SMG1: variants seen among roughly 807,000 people sequenced by gnomAD.
SMG1 encodes serine/threonine-protein kinase SMG1.
Under a neutral mutation model 419.9 loss-of-function variants are expected in SMG1, and 22 were observed. The ratio of observed to expected loss-of-function variants is 0.05; its 90% CI spans 0.04 to 0.07. SMG1 has a LOEUF of 0.07. Among genes scored for constraint, SMG1 ranks in the 10% least tolerant of loss-of-function variants. SMG1 has a pLI of 1.00. For synonymous variants in SMG1, 1,538 were observed against 1,553.5 expected (o/e 0.99, Z 0.23); for missense variants, 3,185 against 4,342.0 (o/e 0.73, Z 7.49).
chr16:18,855,637 G>T (rs899649049), intron 29 of SMG1, among the ~76,000 whole-genome samples: 1 of 152,152 alleles, frequency 6.6e-6, no homozygotes, highest in East Asian at 1.9e-4. Flanking sequence ...CCGGCTGCCT[G>T]TGAAAGTACT....
chr16:18,819,250 AC>A (rs1426899262), intron 56 of SMG1, among the ~76,000 whole-genome samples: 1 of 152,210 alleles, frequency 6.6e-6, no homozygotes, highest in Non-Finnish European at 1.5e-5. Flanking sequence ...TGAATTTAAG[AC>A]CTCTTTATTT....
intron 58 of SMG1, 31 bp from the exon 59 acceptor site, chr16:18,815,682 ATAGTTT>A: frequency 6.4e-7 from 1 of 1,563,642 alleles, no homozygotes; most frequent in Admixed American, 1.7e-5. Flanking sequence ...ATTAAGAAAA[ATAGTTT>A]TAGTATCAGT....
chr16:18,818,939 C>G (rs1006791786), intron 56 of SMG1, among the ~76,000 whole-genome samples: 2 of 151,712 alleles, frequency 1.3e-5, no homozygotes, highest in Non-Finnish European at 2.9e-5. Context: ...GCCTCAGACT[C>G]CTGAGCAGTT....
In SMG1 at chr16:18,849,935, T is replaced by C. The variant is rs767852114; in HGVS notation, c.5461+14A>G. The C allele has an allele frequency of 1.9e-6, 3 of 1,601,678 alleles. No individual in the cohort carries two copies. The highest frequency in any genetic ancestry group is 2.2e-5 in the South Asian group (2 of 89,246). ...AGAAACTATTTTTCCTGAAACATTT[T>C]ATGCAGGTCTCACCTCTCCATGGTG... On this transcript the variant is annotated intron_variant, in intron 35 of 62. Coordinates refer to ENST00000446231, the MANE Select transcript of SMG1 (RefSeq NM_015092.5).
intron 56 of SMG1, 118 bp downstream of exon 56, chr16:18,819,384 G>A: frequency 9.3e-7 from 1 of 1,078,670 alleles, no homozygotes; most frequent in Non-Finnish European, 1.3e-6. Flanking sequence ...CCTCCTCCCA[G>A]GGCTGTGAGC....
chr16:18,815,386 T>C lies in SMG1; in HGVS notation c.10514+54A>G, dbSNP rs2031911199. On this transcript the variant is annotated intron_variant, in intron 59 of 62. Coordinates refer to ENST00000446231, the MANE Select transcript of SMG1 (RefSeq NM_015092.5). ...ATTAAATCAAGAGATAAACTTCTTATACCAGTAGTTTTGTACTTATGTTTT... is the reference window on the plus strand; with the variant it reads ...ATTAAATCAAGAGATAAACTTCTTACACCAGTAGTTTTGTACTTATGTTTT... 6 of 1,587,640 alleles carry C rather than the reference T, an allele frequency of 3.8e-6. No individual in the cohort carries two copies. The South Asian group carries it at 6.6e-5, about 18-fold the overall frequency.
At position 18,850,575 on chromosome 16, in the gene SMG1, A is replaced by G. The variant is rs952362735; in HGVS notation, c.5053-108T>C. 15 of 694,920 alleles carry G rather than the reference A, an allele frequency of 2.2e-5. No individual in the cohort carries two copies. The African/African-American group carries it at 2.7e-4, about 13-fold the overall frequency. 43.0% of individuals were successfully genotyped at this position (694,920 alleles called of 1,614,324 possible). A position where few individuals can be genotyped will look rare whatever the true frequency, so the allele number is the denominator to read the frequency against. On this transcript the variant is annotated intron_variant, in intron 33 of 62. Transcript: ENST00000446231. ...ATTCTTCTCATATATAAAAGATAAA[A>G]TTATCCCACATTTAGTGTTATACAC...
intron 25 of SMG1, 115 bp downstream of exon 25, chr16:18,863,535 A>G (rs2035320275): frequency 2.2e-6 from 2 of 924,690 alleles, no homozygotes; most frequent in Non-Finnish European, 3.4e-6. Context: ...GCAGTAAGTT[A>G]GATATATAAC....
Position 18,837,320 on chromosome 16 carries a change from G to A in SMG1, c.7537C>T (p.Leu2513=), listed in dbSNP as rs763115484. The change falls in exon 46 of 63, where the codon CTG becomes TTG. Residue 2513 remains leucine, a synonymous_variant. Coordinates refer to ENST00000446231, the MANE Select transcript of SMG1 (RefSeq NM_015092.5). ...TDVEKLQGKL[L]EEIEFLEGAE... is the part of the protein sequence containing the mutation. ...CCTTCTAGAAACTCTATTTCCTCCA[G>A]TAGTTTGCCCTGCAGTTTTTCCACA... 8 of 1,613,874 alleles carry A rather than the reference G, an allele frequency of 5.0e-6. No individual in the cohort carries two copies. The East Asian group carries it at 1.6e-4, about 31-fold the overall frequency.
chr16:18,887,756 A>C (rs961008803), intron 6 of SMG1, among the ~76,000 whole-genome samples: 2 of 126,110 alleles, frequency 1.6e-5, no homozygotes, highest in Non-Finnish European at 3.3e-5. Context: ...AGCATATCAA[A>C]AACAGTAAAA....
At position 18,821,221 on chromosome 16, in the gene SMG1, CTTTTTTTTTT is replaced by C. The variant is rs869238782; in HGVS notation, c.9742-1577_9742-1568del. Among the ~76,000 whole-genome samples, 13 of 35,598 alleles carry C rather than the reference CTTTTTTTTTT, an allele frequency of 3.7e-4. 1 individual carries two copies. The East Asian group carries it at 6.7e-3, about 18-fold the overall frequency. The allele number at this position is 35,598 out of a possible 152,430, so 23.4% of individuals were successfully genotyped here. A position where few individuals can be genotyped will look rare whatever the true frequency, so the allele number is the denominator to read the frequency against. On this transcript the variant is annotated intron_variant, in intron 55 of 62. Coordinates refer to ENST00000446231, the MANE Select transcript of SMG1 (RefSeq NM_015092.5). ...AAAACCTGAGATATTTAGTATGTTTCTTTTTTTTTTTTTTTTTTTCTTTTTTTTTTCTTTT... is the reference window on the plus strand; with the variant it reads ...AAAACCTGAGATATTTAGTATGTTTCTTTTTTTTTCTTTTTTTTTTCTTTT...
At chr16:18,877,809 G>A (rs2036206835) in intron 11 of SMG1, 1 of 152,166 alleles carries the variant, frequency 6.6e-6, no homozygotes, top group Non-Finnish European at 1.5e-5. Context: ...AAAGTGTTTA[G>A]ACACCTAAAT....
In SMG1 at chr16:18,926,299, A is replaced by G; in HGVS notation, c.-258T>C. On this transcript the variant is annotated 5_prime_UTR_variant, in exon 1 of 63. Coordinates refer to ENST00000446231, the MANE Select transcript of SMG1 (RefSeq NM_015092.5). ...GGTGAGAGAGAGGCGGATGAAGGGG[A>G]GGCGACGTCTTTTCCAGGGCCGTGC... The G allele has an allele frequency of 2.1e-6, 1 of 487,492 alleles. No homozygotes were observed. Among genetic ancestry groups the G allele is most frequent in the Non-Finnish European group, 3.6e-6 (1 of 277,986 alleles). The allele number at this position is 487,492 out of a possible 1,614,324, so 30.2% of individuals were successfully genotyped here.
chr16:18,832,993 G>A lies in SMG1; in HGVS notation c.8739C>T (p.Asn2913=), dbSNP rs369251044. ...TTTCTTCTTCCAGTCCCATAGCTGC[G>A]TTTCTTAAGTAGGCCTGAAGAGATT... ...LVESLQAYLR[N]AAMGLEEETH... Residue 2913 remains asparagine (N), a synonymous_variant, in exon 51 of 63, where the codon AAC becomes AAT. Coordinates refer to ENST00000446231, the MANE Select transcript of SMG1 (RefSeq NM_015092.5). The A allele has an allele frequency of 3.4e-5, 55 of 1,613,786 alleles. No homozygotes were observed. Among genetic ancestry groups the A allele is most frequent in the African/African-American group, 2.9e-4 (22 of 74,902 alleles).
Position 18,849,240 on chromosome 16 carries a change from A to G in SMG1, c.5600T>C (p.Leu1867Pro). 6.2e-7 allele frequency: 1 copy of G among 1,612,064 alleles called. No individual in the cohort carries two copies. Among genetic ancestry groups the G allele is most frequent in the Non-Finnish European group, 8.5e-7 (1 of 1,178,638 alleles). Residue 1867 changes from leucine to proline, a missense_variant, in exon 36 of 63, where the codon CTT becomes CCT. Physicochemically the swap from Leu to Pro is moderately conservative, Grantham distance 98. Around this residue, in one of 27 missense-constraint regions of SMG1, gnomAD observed 130 missense variants for 162.0 expected, o/e 0.80. Coordinates refer to ENST00000446231, the MANE Select transcript of SMG1 (RefSeq NM_015092.5). ...LYPAIVGTIS[L>P]SSESQASGNK... ...ACCTGAAGCCTGGGATTCACTACTA[A>G]GCGATATGGTACCCACTATTGCAGG... is the stretch of plus-strand genomic sequence containing the variant.
At chr16:18,845,759 A>G (rs1055442861) in intron 38 of SMG1, 108 bp from the exon 39 acceptor site, 3 of 757,078 alleles carry the variant, frequency 4.0e-6, no homozygotes, top group Non-Finnish European at 6.4e-6. Flanking sequence ...AGTACCAAGG[A>G]ATAAGTCTAA....
At chr16:18,914,024 C>T (rs1395680069) in intron 1 of SMG1, among the ~76,000 whole-genome samples, 2 of 151,834 alleles carry the variant, frequency 1.3e-5, no homozygotes, top group African/African-American at 2.4e-5. Context: ...AAAAATTAGC[C>T]AGGCGAGTGG....
At chr16:18,812,607 TATACATAC>T (rs1567308269) in intron 60 of SMG1, among the ~76,000 whole-genome samples, 1 of 139,920 alleles carries the variant, frequency 7.1e-6, no homozygotes, top group African/African-American at 2.6e-5. Flanking sequence ...TACACATATA[TATACATAC>T]ACACATATAT....
At chr16:18,851,839 G>T (rs911724941) in intron 33 of SMG1, among the ~76,000 whole-genome samples, 2 of 152,038 alleles carry the variant, frequency 1.3e-5, no homozygotes, top group Non-Finnish European at 2.9e-5. Flanking sequence ...CACCGTGCCA[G>T]GCCAACTCAC....
Sources: gnomAD v4.1 joint callset for allele counts (sites outside exome capture counted in the v4.1 genomes callset) on GRCh38, gnomAD v4.1.1 for gene constraint, gnomAD v4.1.1 regional missense constraint, MANE v1.5 for transcripts, NCBI Gene and HGNC (gene_info 2026-07-23, HGNC 2026-07-21) for gene names.